The following ZNF385D variants were observed in gnomAD, a reference collection of about 807,000 sequenced individuals.
The protein encoded by ZNF385D is zinc finger protein 385D, also known as zinc finger protein 659.
ZNF385D carries 15 observed loss-of-function variants against 35.8 expected under a neutral mutation model. The ratio of observed to expected loss-of-function variants is 0.42; its 90% confidence interval spans 0.28 to 0.64. ZNF385D has a LOEUF of 0.64. Among genes scored for constraint, ZNF385D ranks in the 30% least tolerant of loss-of-function variants. The pLI, the probability that ZNF385D is intolerant of heterozygous loss-of-function variation, is 0.23. For synonymous variants in ZNF385D, 212 were observed against 186.8 expected, an observed-to-expected ratio of 1.13 and a Z score of -1.10; for missense variants, 474 against 494.6, an observed-to-expected ratio of 0.96 and a Z score of 0.39.
chr3:22,273,033 T>C (rs2131065), intron 2 of ZNF385D, among the ~76,000 whole-genome samples: 59 of 151,152 alleles, frequency 3.9e-4, no homozygotes, highest in African/African-American at 1.4e-3. Context: ...GGATCATTAT[T>C]TAACTCACAA....
intron 2 of ZNF385D, among the ~76,000 whole-genome samples, chr3:21,619,998 C>T (rs1391470148): frequency 6.6e-6 from 1 of 152,094 alleles, no homozygotes; most frequent in African/African-American, 2.4e-5. Context: ...TGTTCTGGGT[C>T]CCAACCATGC....
Position 21,497,880 on chromosome 3 carries a change from C to T in ZNF385D, c.439+12981G>A, listed in dbSNP as rs140914733. On this transcript the variant is annotated intron_variant, in intron 4 of 7. Transcript: ENST00000281523. ...ATAATAAAAAATAAAAATAATAAAA[C>T]TCTTACGGAACCAGAAAAGAACCCA... Among the ~76,000 whole-genome samples the T allele has an allele frequency of 9.1e-3, 1,386 of 151,822 alleles. 14 individuals carry two copies. Among genetic ancestry groups the T allele is most frequent in the Middle Eastern group, 0.044 (13 of 294 alleles).
chr3:21,766,916 T>C (rs1479649892), intron 3 of ZNF385D, among the ~76,000 whole-genome samples: 3 of 152,130 alleles, frequency 2.0e-5, no homozygotes, highest in Admixed American at 2.0e-4. Flanking sequence ...TGAGGTTCAA[T>C]TAATATAAAA....
rs571479689 is a variant in ZNF385D at position 22,330,799 on chromosome 3, C to A, written c.106+41651G>T. Reference sequence around the variant, plus strand: ...AATGGAGAACTCTATCAAAGGCTTGCTTTAGGCAGTGTGCCTGCCTTTACT... The same window carrying A: ...AATGGAGAACTCTATCAAAGGCTTGATTTAGGCAGTGTGCCTGCCTTTACT... On this transcript the variant is annotated intron_variant, in intron 2 of 5. Transcript: ENST00000494108. Among the ~76,000 whole-genome samples, 7 of 152,298 alleles carry A rather than the reference C, an allele frequency of 4.6e-5. No homozygotes were observed. In the South Asian group the frequency reaches 1.4e-3, roughly 32 times the overall value.
intron 3 of ZNF385D, among the ~76,000 whole-genome samples, chr3:21,551,127 A>G (rs375958039): frequency 5.3e-5 from 8 of 152,310 alleles, no homozygotes; most frequent in African/African-American, 1.9e-4. Context: ...TTTCCATAGC[A>G]GCTGTAACTC....
At position 21,978,692 on chromosome 3, in the gene ZNF385D, T is replaced by G. The variant is rs570356260; in HGVS notation, c.325+190125A>C. 6.0e-4 allele frequency among the ~76,000 whole-genome samples: 92 copies of G among 152,344 alleles called. 1 individual carries two copies. The South Asian group carries it at 0.012, about 20-fold the overall frequency. On this transcript the variant is annotated intron_variant, in intron 3 of 5. Transcript: ENST00000494108. ...TTTCTATTATGTCTATGTCTCTAGATAGCTCATTGTAAATTTAATCAAATT... is the reference window on the plus strand; with the variant it reads ...TTTCTATTATGTCTATGTCTCTAGAGAGCTCATTGTAAATTTAATCAAATT...
chr3:21,589,838 A>C (rs1457589), intron 2 of ZNF385D, among the ~76,000 whole-genome samples: 55,055 of 151,910 alleles, frequency 0.36, 10,505 homozygotes, highest in African/African-American at 0.48. Flanking sequence ...AAAATGTATA[A>C]CAGTAGCAAC....
intron 3 of ZNF385D, among the ~76,000 whole-genome samples, chr3:22,112,973 G>A (rs913532400): frequency 1.3e-5 from 2 of 152,024 alleles, no homozygotes; most frequent in African/African-American, 4.8e-5. Context: ...TAGAACTTTA[G>A]TCTCTTCTTC....
intron 3 of ZNF385D, among the ~76,000 whole-genome samples, chr3:22,010,708 A>G (rs1489738966): frequency 6.6e-6 from 1 of 152,212 alleles, no homozygotes; most frequent in East Asian, 1.9e-4. Context: ...GCTCAGAGCC[A>G]GAAGAGAACC....
chr3:22,123,122 T>C (rs1388472182), intron 3 of ZNF385D, among the ~76,000 whole-genome samples: 2 of 151,864 alleles, frequency 1.3e-5, no homozygotes, highest in Non-Finnish European at 1.5e-5. Context: ...TGATAGATTG[T>C]TGGGAGTGAT....
intron 2 of ZNF385D, among the ~76,000 whole-genome samples, chr3:22,283,543 T>C (rs953617104): frequency 8.5e-5 from 13 of 152,154 alleles, no homozygotes; most frequent in African/African-American, 3.1e-4. Context: ...AATATGACTT[T>C]TCATGAGCAA....
intron 4 of ZNF385D, among the ~76,000 whole-genome samples, chr3:21,489,678 T>C (rs964132577): frequency 5.3e-5 from 8 of 152,132 alleles, no homozygotes; most frequent in Non-Finnish European, 1.2e-4. Context: ...TCAACACTAG[T>C]GTTTTTCCAG....
intron 3 of ZNF385D, among the ~76,000 whole-genome samples, chr3:21,897,169 A>G (rs896958952): frequency 6.6e-6 from 1 of 152,140 alleles, no homozygotes; most frequent in Non-Finnish European, 1.5e-5. Context: ...GGGGTTTTTT[A>G]CTACCTGAGA....
At chr3:21,827,580 A>G (rs755585760) in intron 3 of ZNF385D, among the ~76,000 whole-genome samples, 6 of 152,204 alleles carry the variant, frequency 3.9e-5, no homozygotes, top group African/African-American at 1.4e-4. Flanking sequence ...CTAAATTCAC[A>G]TACCAGCTAG....
chr3:21,634,347 GAAAGA>G (rs2065366132), intron 2 of ZNF385D, among the ~76,000 whole-genome samples: 1 of 146,204 alleles, frequency 6.8e-6, no homozygotes, highest in African/African-American at 2.5e-5. Context: ...AGAGAGGAAA[GAAAGA>G]AAAGAAAAAA....
intron 2 of ZNF385D, among the ~76,000 whole-genome samples, chr3:22,214,774 T>C (rs1697753555): frequency 6.6e-6 from 1 of 152,080 alleles, no homozygotes; most frequent in South Asian, 2.1e-4. Flanking sequence ...TAAGATGTTA[T>C]CAATGACAAT....
chr3:21,631,541 C>A (rs949083336), intron 2 of ZNF385D, among the ~76,000 whole-genome samples: 2 of 152,078 alleles, frequency 1.3e-5, no homozygotes, highest in African/African-American at 4.8e-5. Context: ...ATTTTCTTCT[C>A]TTTTTGCTAA....
chr3:21,829,075 C>A (rs1175067268), intron 3 of ZNF385D, among the ~76,000 whole-genome samples: 1 of 152,192 alleles, frequency 6.6e-6, no homozygotes, highest in East Asian at 1.9e-4. Flanking sequence ...CAATAATATA[C>A]TAGCTGTTTG....
intron 3 of ZNF385D, among the ~76,000 whole-genome samples, chr3:22,104,008 A>G (rs925867977): frequency 6.6e-6 from 1 of 152,178 alleles, no homozygotes; most frequent in African/African-American, 2.4e-5. Flanking sequence ...TTACATGTAC[A>G]ATATACAATA....
Sources: gnomAD v4.1 joint callset for allele counts (sites outside exome capture counted in the v4.1 genomes callset) on GRCh38, gnomAD v4.1.1 for gene constraint, MANE v1.5 for transcripts, NCBI Gene and HGNC (gene_info 2026-07-23, HGNC 2026-07-21) for gene names.